MYBPC2: variants seen among roughly 807,000 people sequenced by gnomAD.
MYBPC2 encodes the protein myosin binding protein C2.
In MYBPC2, 122 loss-of-function variants were observed where a neutral mutation model predicts 137.0. The ratio of observed to expected loss-of-function variants is 0.89; its 90% CI spans 0.77 to 1.03. The LOEUF (loss-of-function observed/expected upper bound fraction) is 1.03, where lower values mean the gene tolerates loss of function less well. Ranked by LOEUF, MYBPC2 falls within the 50% of genes least tolerant of loss-of-function variation. The pLI is 0.00. For missense variants in MYBPC2, 1,500 were observed against 1,534.4 expected, an observed-to-expected ratio of 0.98 and a Z score of 0.37; for synonymous variants, 626 against 612.3, an observed-to-expected ratio of 1.02 and a Z score of -0.33.
At position 50,445,860 on chromosome 19, in the gene MYBPC2, T is replaced by C. The variant is rs747367676; in HGVS notation, c.1134-20T>C. 1 of 1,591,622 alleles carries C rather than the reference T, an allele frequency of 6.3e-7. No individual in the cohort carries two copies. Among genetic ancestry groups the C allele is most frequent in the African/African-American group, 1.3e-5 (1 of 74,616 alleles). On this transcript the variant is annotated intron_variant, in intron 11 of 27. Coordinates refer to ENST00000357701, the MANE Select transcript of MYBPC2 (RefSeq NM_004533.4). ...GCTGTGCTGTCTCCTCACATCCCGT[T>C]CTGTGTCTCACCCACCTAGGATGAA...
Position 50,451,838 on chromosome 19 carries a change from T to C in MYBPC2, c.1610-26T>C, listed in dbSNP as rs1340491556. 8.2e-6 allele frequency: 13 copies of C among 1,581,236 alleles called. No individual in the cohort carries two copies. The Admixed American group carries it at 1.8e-4, about 22-fold the overall frequency. ...AAGGCCCAGCCTCCCACTCCCAGGG[T>C]CCCTGTATCTCTTCTGTGCCACCAG... is the stretch of plus-strand genomic sequence containing the variant. On this transcript the variant is annotated intron_variant, in intron 15 of 27. Transcript: ENST00000357701.
intron 7 of MYBPC2, 68 bp downstream of exon 7, chr19:50,437,786 C>T (rs1193036010): frequency 5.3e-6 from 8 of 1,511,562 alleles, no homozygotes; most frequent in East Asian, 2.4e-5. Flanking sequence ...GGTGAAGCTC[C>T]ATGGCCCACT....
In MYBPC2 at chr19:50,460,212, C is replaced by T. The variant is rs541126386; in HGVS notation, c.2931+33C>T. ...AGCAGAGGGGGAGATGGGGAAGAGC[C>T]GGTGAGGTGGGCAGAGCAGGTGCAG... On this transcript the variant is annotated intron_variant, in intron 24 of 27. Transcript: ENST00000357701. 5.3e-5 allele frequency: 83 copies of T among 1,579,336 alleles called. 2 individuals are homozygous for T. In the South Asian group the frequency reaches 7.5e-4, roughly 14 times the overall value.
intron 11 of MYBPC2, 131 bp from the exon 12 acceptor site, chr19:50,445,749 A>T: frequency 1.1e-6 from 1 of 889,808 alleles, no homozygotes; most frequent in Non-Finnish European, 1.7e-6. Context: ...TGCCTCTGCC[A>T]CTCATTATGT....
At position 50,461,435 on chromosome 19, in the gene MYBPC2, T is replaced by A. The variant is rs966871053; in HGVS notation, c.2932-107T>A. On this transcript the variant is annotated intron_variant, in intron 24 of 27. Transcript: ENST00000357701. Reference sequence around the variant, plus strand: ...TAGTGCGCCATGAGTGACATTTTTTTAAACACTGGATGTGCTTTTCTCACC... The same window carrying A: ...TAGTGCGCCATGAGTGACATTTTTTAAAACACTGGATGTGCTTTTCTCACC... 4.3e-5 allele frequency: 52 copies of A among 1,222,802 alleles called. No individual in the cohort carries two copies. The African/African-American group carries it at 7.1e-4, about 17-fold the overall frequency. The allele number at this position is 1,222,802 out of a possible 1,614,324, so 75.7% of individuals were successfully genotyped here. A position where few individuals can be genotyped will look rare whatever the true frequency, so the allele number is the denominator to read the frequency against.
In MYBPC2 at chr19:50,437,692, G is replaced by A. The variant is rs777212740; in HGVS notation, c.546G>A (p.Leu182=). ...SEKKSDTAGE[L]DFSGLLKKRE... is the part of the protein sequence containing the mutation. ...AGAAGTCGGATACTGCAGGTGAGCT[G>A]GATTTCAGTGGCCTGTTGAAGAAGA... The change falls in exon 7 of 28, where the codon CTG becomes CTA. Residue 182 remains leucine (L), a synonymous_variant. Transcript: ENST00000357701. 28 of 1,604,640 alleles carry A rather than the reference G, an allele frequency of 1.7e-5. No homozygotes were observed. In the African/African-American group the frequency reaches 3.5e-4, roughly 20 times the overall value.
At chr19:50,443,175 T>A (rs964875260) in intron 9 of MYBPC2, among the ~76,000 whole-genome samples, 12 of 151,446 alleles carry the variant, frequency 7.9e-5, no homozygotes, top group African/African-American at 2.7e-4. Context: ...GAAAAAAAAA[T>A]TAGCTGGGTA....
chr19:50,461,513 C>G (rs182926321), intron 24 of MYBPC2, 29 bp from the exon 25 acceptor site: 1 of 1,607,008 alleles, frequency 6.2e-7, no homozygotes, highest in Admixed American at 1.7e-5. Context: ...GGCCCCGACC[C>G]GCCTGGTCCC....
At chr19:50,444,182 CTGCTTAA>C in intron 11 of MYBPC2, among the ~76,000 whole-genome samples, 1 of 121,366 alleles carries the variant, frequency 8.2e-6, no homozygotes, top group South Asian at 2.4e-4. Flanking sequence ...ATCCATCCAT[CTGCTTAA>C]CCATCCATCC....
rs1478551938 is a variant in MYBPC2, at chr19:50,450,810, C to T, written c.1473-19C>T. On this transcript the variant is annotated intron_variant, in intron 13 of 27. Transcript: ENST00000357701. ...ATTGCAATCTGGTTCGAGCCCTACC[C>T]TGCTCCCCCACCCCTTAGGTTCCAC... 6.5e-7 allele frequency: 1 copy of T among 1,550,370 alleles called. No homozygotes were observed. Among genetic ancestry groups the T allele is most frequent in the African/African-American group, 1.4e-5 (1 of 73,040 alleles).
At chr19:50,464,189 AGAG>A (rs2039994215) in intron 26 of MYBPC2, 154 bp from the exon 27 acceptor site, 1 of 636,228 alleles carries the variant, frequency 1.6e-6, no homozygotes, top group Non-Finnish European at 2.7e-6. Flanking sequence ...CTTTTACATA[AGAG>A]GAGACTGAGG....
At chr19:50,454,986 A>G (rs2039894848) in intron 18 of MYBPC2, 122 bp from the exon 19 acceptor site, 1 of 844,060 alleles carries the variant, frequency 1.2e-6, no homozygotes, top group Non-Finnish European at 1.8e-6. Flanking sequence ...AGATCCACCT[A>G]AGATTCATGG....
chr19:50,435,198 A>G lies in MYBPC2; in HGVS notation c.57A>G (p.Lys19=). The change falls in exon 2 of 28, where the codon AAA becomes AAG. Residue 19 remains lysine, a synonymous_variant. Transcript: ENST00000357701. This position sits in a 1 kb window ranked among gnomAD's most constrained non-coding sequence, Gnocchi z 4.8. ...CCCCCAAAGGCAAAGATGCCCCCAA[A>G]GGAGCCCCCAAGGAGGCTCCCCCTA... is the stretch of plus-strand genomic sequence containing the variant. ...KKAPKGKDAP[K]GAPKEAPPKE... 1 of 1,437,520 alleles carries G rather than the reference A, an allele frequency of 7.0e-7. No individual in the cohort carries two copies. The highest frequency in any genetic ancestry group is 9.8e-7 in the Non-Finnish European group (1 of 1,024,334). The allele number at this position is 1,437,520 out of a possible 1,614,324, so 89.0% of individuals were successfully genotyped here.
rs148042918 is a variant in MYBPC2 at position 50,436,725 on chromosome 19, G to A, written c.454G>A (p.Asp152Asn). 2.3e-4 allele frequency: 372 copies of A among 1,613,812 alleles called. No homozygotes were observed. Among genetic ancestry groups the A allele is most frequent in the Non-Finnish European group, 3.0e-4 (352 of 1,179,752 alleles). Residue 152 changes from aspartate to asparagine, a missense_variant, in exon 5 of 28, where the codon GAT becomes AAT. Coordinates refer to ENST00000357701, the MANE Select transcript of MYBPC2 (RefSeq NM_004533.4). ...CTGTGACAGCTGTGGCTTCAACATC[G>A]ATGTGGAGGGTATGCTGGTGGGGGA... ...DTCDSCGFNI[D>N]VEAPRQDASG...
At chr19:50,458,170 C>T (rs897031603) in intron 20 of MYBPC2, among the ~76,000 whole-genome samples, 12 of 151,118 alleles carry the variant, frequency 7.9e-5, no homozygotes, top group African/African-American at 1.9e-4. Flanking sequence ...ATTAGCTGGG[C>T]GTGGTGGTGC....
In MYBPC2 at chr19:50,437,455, C is replaced by T. The variant is rs1294965740; in HGVS notation, c.464-18C>T. On this transcript the variant is annotated intron_variant, in intron 5 of 27. Transcript: ENST00000357701. ...TGGCCTCTAACTCACCTTCCCTTCT[C>T]TCATCACCTCTCCCCAGCACCCCGT... 1.2e-6 allele frequency: 2 copies of T among 1,607,602 alleles called. No homozygotes were observed.
chr19:50,464,242 G>A (rs2039994390), intron 26 of MYBPC2, 104 bp from the exon 27 acceptor site: 2 of 1,010,694 alleles, frequency 2.0e-6, no homozygotes, highest in Non-Finnish European at 2.9e-6. Flanking sequence ...TCTGGCAAGA[G>A]GGTGGCAGAG....
chr19:50,455,046 C>T, intron 18 of MYBPC2, 62 bp from the exon 19 acceptor site: 4 of 1,484,214 alleles, frequency 2.7e-6, no homozygotes, highest in Non-Finnish European at 3.6e-6. Flanking sequence ...CCTCACTCCC[C>T]CAGCTGACTC....
At chr19:50,436,553 T>A in intron 4 of MYBPC2, 64 bp from the exon 5 acceptor site, 1 of 1,403,966 alleles carries the variant, frequency 7.1e-7, no homozygotes, top group Non-Finnish European at 1.0e-6. Flanking sequence ...GAGTGGACTC[T>A]GAGGAATATG....
Sources: allele counts gnomAD v4.1 joint callset (sites outside exome capture counted in the v4.1 genomes callset), GRCh38; gene constraint gnomAD v4.1.1; non-coding constraint Gnocchi (gnomAD v3.1); transcripts MANE v1.5; gene names NCBI Gene and HGNC (gene_info 2026-07-23, HGNC 2026-07-21).